Variants in ESR1 observed in about 807,000 individuals in gnomAD.
The protein encoded by ESR1 is estrogen receptor 1, also known as estrogen receptor.
In ESR1, 12 loss-of-function variants were observed where a neutral mutation model predicts 52.7. That is an observed-to-expected ratio of 0.23 (90% confidence interval 0.15 to 0.37). The LOEUF (loss-of-function observed/expected upper bound fraction) is 0.37. Among genes scored for constraint, ESR1 ranks in the 10% least tolerant of loss-of-function variants. The pLI, the probability that ESR1 is intolerant of heterozygous loss-of-function variation, is 1.00. For synonymous variants in ESR1, 305 were observed against 316.8 expected, an observed-to-expected ratio of 0.96 and a Z score of 0.39; for missense variants, 584 against 779.7, an observed-to-expected ratio of 0.75 and a Z score of 2.99.
At chr6:152,012,919 T>C (rs2042896897) in intron 5 of ESR1, among the ~76,000 whole-genome samples, 1 of 152,112 alleles carries the variant, frequency 6.6e-6, no homozygotes, top group South Asian at 2.1e-4. Context: ...TGGAGCAGAG[T>C]TGCAGCAAAA....
chr6:151,957,041 T>TG (rs1462291710), intron 4 of ESR1, among the ~76,000 whole-genome samples: 1 of 93,964 alleles, frequency 1.1e-5, no homozygotes, highest in Non-Finnish European at 2.9e-5. Context: ...CACGCCCGGC[T>TG]AATTTTTTGT....
intron 3 of ESR1, among the ~76,000 whole-genome samples, chr6:151,885,967 G>C (rs1793776067): frequency 6.6e-6 from 1 of 152,044 alleles, no homozygotes. Context: ...ACAAGTGTTA[G>C]CTATTACATA....
chr6:152,017,160 A>G (rs2043230405), intron 5 of ESR1, among the ~76,000 whole-genome samples: 1 of 152,208 alleles, frequency 6.6e-6, no homozygotes. Context: ...ACCTGCTGCC[A>G]TCCCACATTT....
chr6:151,727,118 A>T (rs527901744), intron 2 of ESR1, among the ~76,000 whole-genome samples: 1 of 152,334 alleles, frequency 6.6e-6, no homozygotes, highest in South Asian at 2.1e-4. Flanking sequence ...GAGTAACATA[A>T]ATATACCAAT....
At chr6:151,899,489 C>T (rs1392479018) in intron 3 of ESR1, among the ~76,000 whole-genome samples, 31 of 144,170 alleles carry the variant, frequency 2.2e-4, no homozygotes, top group African/African-American at 2.3e-4. Flanking sequence ...GACCCCCCCA[C>T]CTCCCTCCCG....
intron 6 of ESR1, chr6:152,122,165 T>C (rs544687967): frequency 2.0e-5 from 10 of 493,490 alleles, no homozygotes; most frequent in African/African-American, 1.4e-4. Context: ...CGGGGAACTT[T>C]GGAGGTCCTT....
intron 2 of ESR1, among the ~76,000 whole-genome samples, chr6:151,880,275 C>T (rs1311817078): frequency 6.6e-6 from 1 of 150,438 alleles, no homozygotes; most frequent in African/African-American, 2.4e-5. Context: ...CTCCGCCTCC[C>T]GGGTTCAAGC....
At chr6:151,730,714 A>T (rs1782174118) in intron 2 of ESR1, among the ~76,000 whole-genome samples, 1 of 152,188 alleles carries the variant, frequency 6.6e-6, no homozygotes, top group African/African-American at 2.4e-5. Context: ...TCTTGACATC[A>T]CTAGGAACTA....
At chr6:151,834,592 A>T (rs827424) in intron 1 of ESR1, among the ~76,000 whole-genome samples, 114,236 of 152,022 alleles carry the variant, frequency 0.75, 43,714 homozygotes, top group East Asian at 0.91. Context: ...GAGAAATACC[A>T]AATGTAGATG....
At chr6:151,748,532 C>G (rs1465496448) in intron 2 of ESR1, among the ~76,000 whole-genome samples, 1 of 152,106 alleles carries the variant, frequency 6.6e-6, no homozygotes, top group Non-Finnish European at 1.5e-5. Flanking sequence ...ATAAGTAATG[C>G]CATGCGCATC....
chr6:151,770,083 T>C (rs1273027069), intron 2 of ESR1, among the ~76,000 whole-genome samples: 2 of 151,174 alleles, frequency 1.3e-5, no homozygotes, highest in Non-Finnish European at 2.9e-5. Flanking sequence ...TATATTAGCC[T>C]GAATGGAATA....
At chr6:151,977,033 A>G (rs550476809) in intron 4 of ESR1, among the ~76,000 whole-genome samples, 1 of 152,254 alleles carries the variant, frequency 6.6e-6, no homozygotes, top group African/African-American at 2.4e-5. Context: ...CCCACTGAAA[A>G]CAAGTGTAAG....
At chr6:152,009,033 C>T (rs1296060089) in intron 4 of ESR1, among the ~76,000 whole-genome samples, 1 of 152,060 alleles carries the variant, frequency 6.6e-6, no homozygotes, top group Admixed American at 6.6e-5. Flanking sequence ...TCCTTGAGAG[C>T]AAGACTAGTT....
chr6:151,945,404 A>G (rs1264689177), intron 4 of ESR1, among the ~76,000 whole-genome samples: 1 of 152,240 alleles, frequency 6.6e-6, no homozygotes, highest in African/African-American at 2.4e-5. Flanking sequence ...TTTTAGAAAG[A>G]CACAGTGGCT....
At chr6:151,709,129 C>T (rs917289256) in intron 2 of ESR1, among the ~76,000 whole-genome samples, 2 of 152,022 alleles carry the variant, frequency 1.3e-5, no homozygotes, top group East Asian at 3.9e-4. Flanking sequence ...TCACCTCCCA[C>T]CCCTCTGCCC....
In ESR1 at chr6:152,122,298, T is replaced by C. The variant is rs2051574407; in HGVS notation, c.851-2968T>C. On this transcript the variant is annotated intron_variant, in intron 6 of 6. Transcript: ENST00000427531. ...CCTCTGAAGCCATAATTTGCACACA[T>C]GTGATCTGGAGGAGGGCTAAAGCTG... 5.2e-6 allele frequency: 7 copies of C among 1,358,270 alleles called. No individual in the cohort carries two copies. Among genetic ancestry groups the C allele is most frequent in the South Asian group, 1.2e-5 (1 of 82,832 alleles). The allele number at this position is 1,358,270 out of a possible 1,614,324, so 84.1% of individuals were successfully genotyped here.
chr6:151,805,803 C>T (rs775739833), upstream of ESR1: 2 of 152,276 alleles, frequency 1.3e-5, no homozygotes, highest in East Asian at 1.9e-4. Context: ...TCTGGAAAGA[C>T]GTTCTTGATC....
At chr6:152,114,111 G>A (rs117969326) in intron 6 of ESR1, among the ~76,000 whole-genome samples, 2 of 152,326 alleles carry the variant, frequency 1.3e-5, no homozygotes, top group East Asian at 3.9e-4. Context: ...CCAGGCTTGG[G>A]TGGGCAGAAT....
chr6:151,918,471 T>C (rs2030857279), intron 3 of ESR1, among the ~76,000 whole-genome samples: 1 of 152,182 alleles, frequency 6.6e-6, no homozygotes, highest in African/African-American at 2.4e-5. Context: ...CAAAGGACTA[T>C]AGTGTTATGA....
Sources: allele counts gnomAD v4.1 joint callset (sites outside exome capture counted in the v4.1 genomes callset), GRCh38; gene constraint gnomAD v4.1.1; transcripts MANE v1.5; gene names NCBI Gene and HGNC (gene_info 2026-07-23, HGNC 2026-07-21).